ZNF787: variants seen among roughly 807,000 people sequenced by gnomAD.
The protein encoded by ZNF787 is zinc finger protein 787.
A neutral mutation model predicts 16.9 loss-of-function variants in ZNF787; 7 were observed. The observed-to-expected ratio is 0.42, with a 90% CI of 0.24 to 0.78. The LOEUF is 0.78. ZNF787 is among the 30% of genes least tolerant of loss of function. The pLI is 0.30. For missense variants in ZNF787, 551 were observed against 589.3 expected (o/e 0.94, Z 0.67); for synonymous variants, 345 against 270.9 (o/e 1.27, Z -2.69).
intron 1 of ZNF787, among the ~76,000 whole-genome samples, chr19:56,118,656 C>A (rs2030204805): frequency 6.6e-6 from 1 of 152,174 alleles, no homozygotes; most frequent in Admixed American, 6.5e-5. Flanking sequence ...AAAGTGTGCA[C>A]CAGCAAGTGT....
chr19:56,094,187 CTTTTTTTTT>C (rs572443571), intron 2 of ZNF787, among the ~76,000 whole-genome samples: 2 of 105,474 alleles, frequency 1.9e-5, no homozygotes, highest in Non-Finnish European at 3.7e-5. Flanking sequence ...TCATGCCCGG[CTTTTTTTTT>C]TTTTTTTTTT....
chr19:56,087,772 T>C lies in ZNF787; in HGVS notation c.*251A>G, dbSNP rs889823595. ...CAGTTCTCTCCATTGTCTCTCCGGC[T>C]CGCAGGCCGATAACTTAGGAAGGGC... is the stretch of plus-strand genomic sequence containing the variant. On this transcript the variant is annotated 3_prime_UTR_variant, in exon 3 of 3. Coordinates refer to ENST00000610935, the MANE Select transcript of ZNF787 (RefSeq NM_001002836.4). The C allele has an allele frequency of 4.2e-6, 2 of 475,354 alleles. No individual in the cohort carries two copies. The highest frequency in any genetic ancestry group is 6.3e-6 in the Non-Finnish European group (2 of 318,460). The allele number at this position is 475,354 out of a possible 1,614,324, so 29.4% of individuals were successfully genotyped here.
intron 2 of ZNF787, among the ~76,000 whole-genome samples, chr19:56,091,225 C>T (rs1193374343): frequency 6.6e-6 from 1 of 152,132 alleles, no homozygotes; most frequent in Non-Finnish European, 1.5e-5. Context: ...CACCGTAAAC[C>T]GAGCCATACT....
rs150722212 is a variant in ZNF787, at chr19:56,092,016, A to ACCGAAGCCGAAG, written c.80-2936_80-2925dup. Among the ~76,000 whole-genome samples, 479 of 145,008 alleles carry ACCGAAGCCGAAG rather than the reference A, an allele frequency of 3.3e-3. 4 individuals are homozygous for ACCGAAGCCGAAG. Among genetic ancestry groups the ACCGAAGCCGAAG allele is most frequent in the Non-Finnish European group, 5.0e-3 (338 of 67,366 alleles). On this transcript the variant is annotated intron_variant, in intron 2 of 2. Transcript: ENST00000610935. ...AAGCCAAACGGAAGCCAAAGCCGAA[A>ACCGAAGCCGAAG]CCGAAGCCGAAGCCGAAGCCGAAGC...
intron 1 of ZNF787, among the ~76,000 whole-genome samples, chr19:56,120,671 G>C (rs969660842): frequency 6.6e-6 from 1 of 151,756 alleles, no homozygotes; most frequent in Non-Finnish European, 1.5e-5. Flanking sequence ...CCGTGCCCTC[G>C]GGGCCGCGGT....
intron 1 of ZNF787, 100 bp downstream of exon 1, chr19:56,121,051 GCGCCCGCCGCCCAGTCGCGCT>G (rs2030282976): frequency 9.4e-6 from 1 of 106,156 alleles, no homozygotes; most frequent in Admixed American, 1.1e-4. Flanking sequence ...GCGCGCACGC[GCGCCCGCCGCCCAGTCGCGCT>G]CGCCCTCCAG....
chr19:56,115,298 C>T (rs975705826), intron 1 of ZNF787, among the ~76,000 whole-genome samples: 4 of 151,730 alleles, frequency 2.6e-5, no homozygotes, highest in African/African-American at 2.4e-5. Flanking sequence ...GCCGTTGTCC[C>T]GTGCTCTGGC....
At chr19:56,098,254 C>G (rs1985945150) in intron 2 of ZNF787, among the ~76,000 whole-genome samples, 4 of 152,214 alleles carry the variant, frequency 2.6e-5, no homozygotes, top group Admixed American at 2.6e-4. Flanking sequence ...CTCCTTTCCT[C>G]TTCACAAGAA....
At chr19:56,114,439 G>A (rs1173245925) in intron 1 of ZNF787, among the ~76,000 whole-genome samples, 9 of 142,734 alleles carry the variant, frequency 6.3e-5, no homozygotes, top group East Asian at 2.1e-4. Context: ...CTGAGGGGCC[G>A]GGCTCAGTCC....
At chr19:56,100,091 T>G (rs1986035040) in intron 2 of ZNF787, among the ~76,000 whole-genome samples, 1 of 151,996 alleles carries the variant, frequency 6.6e-6, no homozygotes, top group African/African-American at 2.4e-5. Context: ...CCAGAGCAGG[T>G]GCCGGGACAC....
chr19:56,091,944 AG>A (rs1276368795), intron 2 of ZNF787, among the ~76,000 whole-genome samples: 23 of 128,938 alleles, frequency 1.8e-4, no homozygotes, highest in African/African-American at 3.5e-4. Flanking sequence ...CCGAAGCCAA[AG>A]CCAAAGCCGA....
At chr19:56,120,510 G>A (rs1445510577) in intron 1 of ZNF787, among the ~76,000 whole-genome samples, 1 of 152,162 alleles carries the variant, frequency 6.6e-6, no homozygotes, top group Admixed American at 6.5e-5. Flanking sequence ...CCCGCCTGCC[G>A]AGCAAGGACG....
intron 1 of ZNF787, among the ~76,000 whole-genome samples, chr19:56,107,829 G>A (rs1200047254): frequency 2.6e-5 from 4 of 151,882 alleles, no homozygotes; most frequent in Admixed American, 2.6e-4. Context: ...GCATGCTGGG[G>A]GCTGCGGGAG....
Position 56,088,352 on chromosome 19 carries a change from C to T in ZNF787, c.820G>A (p.Ala274Thr). The stretch of plus-strand genomic sequence containing the variant: ...CACACGTACGGCTTGGGGGCCGGGG[C>T]GCGCCGCGACCGGGGCCCCGCGGCC... ...AKAAGPRSRR[A>T]PAPKPYVCLE... The change falls in exon 3 of 3, where the codon GCC (alanine) becomes ACC (threonine). Residue 274 changes from alanine to threonine, a missense_variant. Ala to Thr is a moderately conservative substitution (Grantham distance 58, BLOSUM62 0). This residue lies in a region of ZNF787 where 392 missense variants were observed against 312.7 expected (regional missense o/e 1.25). Coordinates refer to ENST00000610935, the MANE Select transcript of ZNF787 (RefSeq NM_001002836.4). The surrounding 1 kb of genome is among the most constrained non-coding windows in gnomAD (Gnocchi z 8.6). 8.7e-7 allele frequency: 1 copy of T among 1,145,176 alleles called. No homozygotes were observed. The highest frequency in any genetic ancestry group is 1.1e-6 in the Non-Finnish European group (1 of 926,814). 70.9% of individuals were successfully genotyped at this position (1,145,176 alleles called of 1,614,324 possible). A position where few individuals can be genotyped will look rare whatever the true frequency, so the allele number is the denominator to read the frequency against.
intron 2 of ZNF787, among the ~76,000 whole-genome samples, chr19:56,091,923 C>G (rs1243577368): frequency 1.0e-5 from 1 of 99,854 alleles, no homozygotes; most frequent in Non-Finnish European, 1.9e-5. Flanking sequence ...CAGCCGCAGC[C>G]GAAGCCGAAG....
At chr19:56,092,030 CG>C (rs1568523583) in intron 2 of ZNF787, among the ~76,000 whole-genome samples, 9 of 151,256 alleles carry the variant, frequency 6.0e-5, no homozygotes, top group Non-Finnish European at 1.5e-5. Flanking sequence ...AAGCCGAAGC[CG>C]AAGCCGAAGC....
chr19:56,120,846 G>GC (rs1429890334), intron 1 of ZNF787, among the ~76,000 whole-genome samples: 5 of 141,610 alleles, frequency 3.5e-5, no homozygotes, highest in African/African-American at 1.1e-4. Context: ...CCCCACCGAG[G>GC]CCCCCGCTCC....
rs73615748 is a variant in ZNF787, at chr19:56,115,716, G to A, written c.-11+5456C>T. On this transcript the variant is annotated intron_variant, in intron 1 of 2. Transcript: ENST00000610935. ...TCCTCGGGGGCATCAGCACAGCGAC[G>A]GCAGAGACAGCTCACGGCCCCAGCC... 7.5e-3 allele frequency among the ~76,000 whole-genome samples: 1,138 copies of A among 152,064 alleles called. 18 individuals carry two copies. The highest frequency in any genetic ancestry group is 0.026 in the African/African-American group (1,071 of 41,494).
chr19:56,087,849 A>G lies in ZNF787; in HGVS notation c.*174T>C, dbSNP rs897697664. The stretch of plus-strand genomic sequence containing the variant: ...GAGGCGGAGAAGTGAACGGGCCCTA[A>G]TACGCCCCAGTGCCCCCCCACGGAC... On this transcript the variant is annotated 3_prime_UTR_variant, in exon 3 of 3. Transcript: ENST00000610935. The G allele has an allele frequency of 2.6e-5, 28 of 1,075,224 alleles. No homozygotes were observed. The African/African-American group carries it at 3.8e-4, about 15-fold the overall frequency. 66.6% of individuals were successfully genotyped at this position (1,075,224 alleles called of 1,614,324 possible).
Sources: gnomAD v4.1 joint callset for allele counts (sites outside exome capture counted in the v4.1 genomes callset) on GRCh38, gnomAD v4.1.1 for gene constraint, gnomAD v4.1.1 regional missense constraint, Gnocchi (gnomAD v3.1) non-coding constraint, MANE v1.5 for transcripts, NCBI Gene and HGNC (gene_info 2026-07-23, HGNC 2026-07-21) for gene names.